WWOX: variants seen among roughly 807,000 people sequenced by gnomAD.
WWOX encodes WW domain-containing oxidoreductase.
A neutral mutation model predicts 46.2 loss-of-function variants in WWOX; 69 were observed. The ratio of observed to expected loss-of-function variants is 1.49; its 90% CI spans 1.23 to 1.82. WWOX has a LOEUF of 1.82. WWOX is among the 40% of genes most tolerant of loss of function. The probability of loss-of-function intolerance (pLI) is 0.00; values close to 1 mark genes in which losing one functional copy is unlikely to be tolerated. For missense variants in WWOX, 919 were observed against 542.6 expected, an observed-to-expected ratio of 1.69 and a Z score of -6.89; for synonymous variants, 359 against 202.6, an observed-to-expected ratio of 1.77 and a Z score of -6.56.
At chr16:78,577,737 C>T (rs144065538) in intron 8 of WWOX, among the ~76,000 whole-genome samples, 1 of 152,328 alleles carries the variant, frequency 6.6e-6, no homozygotes, top group Non-Finnish European at 1.5e-5. Context: ...TATTTGACCA[C>T]ATCTTCCTAG....
rs556446866 is a variant in WWOX at position 78,994,975 on chromosome 16, T to C, written c.1057-216633T>C. On this transcript the variant is annotated intron_variant, in intron 8 of 8. Coordinates refer to ENST00000566780, the MANE Select transcript of WWOX (RefSeq NM_016373.4). ...TTTTCTTCTTCTTCTTCTTCTTTTTTTTTTTTTTTTTTTGTTTTTCCTCCC... is the reference window on the plus strand; with the variant it reads ...TTTTCTTCTTCTTCTTCTTCTTTTTCTTTTTTTTTTTTTGTTTTTCCTCCC... 4.4e-4 allele frequency among the ~76,000 whole-genome samples: 64 copies of C among 144,834 alleles called. No individual in the cohort carries two copies. The South Asian group carries it at 0.012, about 28-fold the overall frequency.
At chr16:78,590,738 G>A (rs1346668339) in intron 8 of WWOX, among the ~76,000 whole-genome samples, 5 of 152,132 alleles carry the variant, frequency 3.3e-5, no homozygotes, top group East Asian at 3.9e-4. Flanking sequence ...TTGCAAGGTC[G>A]GGTAGATGGG....
chr16:78,469,638 T>A (rs2084172720), intron 8 of WWOX, among the ~76,000 whole-genome samples: 1 of 152,204 alleles, frequency 6.6e-6, no homozygotes, highest in East Asian at 1.9e-4. Flanking sequence ...TGCCAGGACA[T>A]GTCTGAGTAC....
At chr16:78,386,333 C>T (rs114755652) in intron 5 of WWOX, among the ~76,000 whole-genome samples, 21 of 152,236 alleles carry the variant, frequency 1.4e-4, no homozygotes, top group African/African-American at 4.6e-4. Flanking sequence ...CAGGGTGTTG[C>T]CTTTGGGATC....
chr16:78,912,247 A>C (rs556296161), intron 8 of WWOX, among the ~76,000 whole-genome samples: 12 of 152,158 alleles, frequency 7.9e-5, no homozygotes, highest in African/African-American at 2.9e-4. Flanking sequence ...TCCTATCATT[A>C]ACACAGGTAA....
intron 8 of WWOX, among the ~76,000 whole-genome samples, chr16:79,112,890 G>A (rs1224190891): frequency 6.6e-6 from 1 of 152,202 alleles, no homozygotes; most frequent in Non-Finnish European, 1.5e-5. Flanking sequence ...GTCTTGGACA[G>A]TCTAGCCTCT....
intron 8 of WWOX, among the ~76,000 whole-genome samples, chr16:78,870,095 A>G (rs2044094133): frequency 6.6e-6 from 1 of 152,154 alleles, no homozygotes; most frequent in Non-Finnish European, 1.5e-5. Flanking sequence ...GTCCATGTGT[A>G]AGGCCAGGCC....
chr16:78,736,297 G>A (rs2049090354), intron 8 of WWOX, among the ~76,000 whole-genome samples: 1 of 152,278 alleles, frequency 6.6e-6, no homozygotes, highest in Admixed American at 6.5e-5. Context: ...TATCCTCATG[G>A]GGACCTGTAT....
chr16:78,851,944 G>T (rs887229740), intron 8 of WWOX, among the ~76,000 whole-genome samples: 2 of 152,108 alleles, frequency 1.3e-5, no homozygotes, highest in African/African-American at 4.8e-5. Flanking sequence ...AAAGCCTCTT[G>T]GTTTCTGTAC....
intron 8 of WWOX, chr16:78,551,012 A>T (rs755319180): frequency 2.0e-5 from 3 of 152,254 alleles, no homozygotes; most frequent in Non-Finnish European, 4.4e-5. Flanking sequence ...CAATATATTC[A>T]GTGAAACAAA....
intron 5 of WWOX, among the ~76,000 whole-genome samples, chr16:78,177,019 C>T (rs1178997572): frequency 1.3e-5 from 2 of 152,158 alleles, no homozygotes; most frequent in African/African-American, 4.8e-5. Flanking sequence ...TTGGGCCCCA[C>T]CCCAGACCTA....
At chr16:78,455,997 C>G (rs1484311519) in intron 8 of WWOX, among the ~76,000 whole-genome samples, 1 of 152,198 alleles carries the variant, frequency 6.6e-6, no homozygotes, top group Admixed American at 6.5e-5. Context: ...TGCTATGTAG[C>G]TTATCTATTT....
At chr16:78,494,683 A>G (rs577299560) in intron 8 of WWOX, among the ~76,000 whole-genome samples, 2 of 152,276 alleles carry the variant, frequency 1.3e-5, no homozygotes, top group South Asian at 4.1e-4. Context: ...TGGACAACAT[A>G]TCAGTCATTT....
chr16:78,233,961 C>T (rs1390967569), intron 5 of WWOX, among the ~76,000 whole-genome samples: 1 of 152,188 alleles, frequency 6.6e-6, no homozygotes, highest in Non-Finnish European at 1.5e-5. Context: ...GCCCCAGAGG[C>T]ATCAGGGTAA....
intron 8 of WWOX, among the ~76,000 whole-genome samples, chr16:78,493,465 G>A (rs1452383125): frequency 6.6e-6 from 1 of 152,158 alleles, no homozygotes. Context: ...TAACTAACGT[G>A]TTTATTTATG....
chr16:78,961,521 G>A (rs187838750), intron 8 of WWOX, among the ~76,000 whole-genome samples: 3 of 151,978 alleles, frequency 2.0e-5, no homozygotes, highest in Admixed American at 6.6e-5. Context: ...GGAATGGTGG[G>A]TGGTAGGTGG....
intron 8 of WWOX, among the ~76,000 whole-genome samples, chr16:78,626,322 T>C (rs554533732): frequency 4.6e-4 from 70 of 152,202 alleles, no homozygotes; most frequent in Admixed American, 1.1e-3. Context: ...CACATTTTAT[T>C]TAATTGTCAG....
intron 8 of WWOX, among the ~76,000 whole-genome samples, chr16:79,010,632 AGGAGGAGAC>A (rs1011697268): frequency 3.3e-5 from 5 of 152,320 alleles, no homozygotes; most frequent in Non-Finnish European, 5.9e-5. Flanking sequence ...AAATCAGGGA[AGGAGGAGAC>A]GGAGAAGTTG....
chr16:78,370,627 C>T (rs12599422), intron 5 of WWOX, among the ~76,000 whole-genome samples: 8,052 of 151,898 alleles, frequency 0.053, 284 homozygotes, highest in East Asian at 0.12. Context: ...CTTATTGTGT[C>T]TATCTTTTGT....
Sources: allele counts gnomAD v4.1 joint callset (sites outside exome capture counted in the v4.1 genomes callset), GRCh38; gene constraint gnomAD v4.1.1; transcripts MANE v1.5; gene names NCBI Gene and HGNC (gene_info 2026-07-23, HGNC 2026-07-21).